XRCC4: variants seen among roughly 807,000 people sequenced by gnomAD.
The protein encoded by XRCC4 is X-ray repair cross complementing 4, also known as DNA repair protein XRCC4.
A neutral mutation model predicts 39.1 loss-of-function variants in XRCC4; 28 were observed. The ratio of observed to expected loss-of-function variants is 0.72; its 90% CI spans 0.53 to 0.98. XRCC4 has a LOEUF of 0.98. Among genes scored for constraint, XRCC4 ranks in the 50% least tolerant of loss-of-function variants. XRCC4 has a pLI of 0.00. For missense variants in XRCC4, 350 were observed against 376.4 expected, an observed-to-expected ratio of 0.93 and a Z score of 0.58; for synonymous variants, 123 against 126.4, an observed-to-expected ratio of 0.97 and a Z score of 0.18.
At chr5:83,096,735 T>G (rs987870293) in intron 1 of XRCC4, among the ~76,000 whole-genome samples, 2 of 152,204 alleles carry the variant, frequency 1.3e-5, no homozygotes, top group African/African-American at 4.8e-5. Flanking sequence ...AGCCAACATT[T>G]CAAAGCCAGT....
intron 6 of XRCC4, among the ~76,000 whole-genome samples, chr5:83,237,093 C>T (rs1437265052): frequency 6.6e-6 from 1 of 151,776 alleles, no homozygotes; most frequent in Non-Finnish European, 1.5e-5. Flanking sequence ...AAAGGAGAAC[C>T]CTTGTGTAAT....
chr5:83,130,452 A>C (rs1160683787), intron 3 of XRCC4, among the ~76,000 whole-genome samples: 3 of 152,136 alleles, frequency 2.0e-5, no homozygotes, highest in South Asian at 2.1e-4. Flanking sequence ...TGTCTCTGCC[A>C]GGCTTTGGTA....
intron 3 of XRCC4, among the ~76,000 whole-genome samples, chr5:83,134,857 G>A (rs1170095405): frequency 1.3e-5 from 2 of 152,104 alleles, no homozygotes; most frequent in African/African-American, 4.8e-5. Context: ...TGGGCAGAAG[G>A]AACAACTCTG....
downstream of XRCC4, among the ~76,000 whole-genome samples, chr5:83,358,768 A>G (rs1033563282): frequency 2.6e-5 from 4 of 152,226 alleles, no homozygotes; most frequent in Non-Finnish European, 4.4e-5. Context: ...AACAATTTCT[A>G]TAAAACCTGT....
At chr5:83,100,237 T>C (rs560125147) in intron 1 of XRCC4, among the ~76,000 whole-genome samples, 89 of 152,252 alleles carry the variant, frequency 5.8e-4, no homozygotes, top group African/African-American at 2.0e-3. Flanking sequence ...GTTTACTAAA[T>C]AATAGAATCT....
At chr5:83,186,011 A>T (rs1443281940) in intron 3 of XRCC4, among the ~76,000 whole-genome samples, 1 of 152,124 alleles carries the variant, frequency 6.6e-6, no homozygotes, top group Non-Finnish European at 1.5e-5. Context: ...CTTCACTGAC[A>T]AACACTTTCT....
At chr5:83,171,843 CTTTA>C (rs1330755773) in intron 3 of XRCC4, among the ~76,000 whole-genome samples, 1 of 152,070 alleles carries the variant, frequency 6.6e-6, no homozygotes, top group Non-Finnish European at 1.5e-5. Context: ...AGAAAGTATG[CTTTA>C]TTTATGCATT....
intron 7 of XRCC4, among the ~76,000 whole-genome samples, chr5:83,320,317 C>T (rs1271104567): frequency 1.4e-5 from 2 of 146,770 alleles, no homozygotes; most frequent in Non-Finnish European, 3.0e-5. Flanking sequence ...TGTAACTAAC[C>T]TGCACAATGT....
chr5:83,241,580 G>A (rs1465583304), intron 6 of XRCC4, among the ~76,000 whole-genome samples: 1 of 152,044 alleles, frequency 6.6e-6, no homozygotes, highest in Non-Finnish European at 1.5e-5. Flanking sequence ...GAGACCCACA[G>A]TAAGAATATA....
rs1554060342 is a variant in XRCC4 at position 83,165,318 on chromosome 5, C to CATT, written c.316-30451_316-30449dup. Reference sequence around the variant, plus strand: ...GTCTCTGATTAGGTGAATCAATAGACATTGATTTATATATTATAGATACAA... The same window carrying CATT: ...GTCTCTGATTAGGTGAATCAATAGACATTATTGATTTATATATTATAGATACAA... On this transcript the variant is annotated intron_variant, in intron 3 of 7. Coordinates refer to ENST00000396027, the MANE Select transcript of XRCC4 (RefSeq NM_003401.5). Among the ~76,000 whole-genome samples, 622 of 151,514 alleles carry CATT rather than the reference C, an allele frequency of 4.1e-3. 2 individuals are homozygous for CATT. Among genetic ancestry groups the CATT allele is most frequent in the African/African-American group, 0.012 (475 of 41,286 alleles).
intron 3 of XRCC4, among the ~76,000 whole-genome samples, chr5:83,183,412 T>TTGTGTGTGTGTGTGTGTGTG (rs369446374): frequency 7.2e-6 from 1 of 139,334 alleles, no homozygotes; most frequent in Non-Finnish European, 1.5e-5. Flanking sequence ...TTTCATTTAT[T>TTGTGTGTGTGTGTGTGTGTG]TGTGTGTGTG....
intron 1 of XRCC4, among the ~76,000 whole-genome samples, chr5:83,097,386 C>T (rs1745727654): frequency 6.7e-6 from 1 of 150,362 alleles, no homozygotes. Flanking sequence ...TTGCTCAGTC[C>T]TATCACTTGT....
intron 2 of XRCC4, among the ~76,000 whole-genome samples, chr5:83,109,503 T>C (rs536470406): frequency 6.6e-6 from 1 of 152,014 alleles, no homozygotes; most frequent in East Asian, 1.9e-4. Context: ...CATATGAGAC[T>C]TTTATCATTA....
At chr5:83,309,651 C>T (rs1315503973) in intron 7 of XRCC4, among the ~76,000 whole-genome samples, 1 of 149,712 alleles carries the variant, frequency 6.7e-6, no homozygotes, top group African/African-American at 2.5e-5. Flanking sequence ...GTAGTCCCAG[C>T]TACTCAGGAG....
intron 3 of XRCC4, among the ~76,000 whole-genome samples, chr5:83,144,383 C>T (rs941093828): frequency 1.3e-5 from 2 of 150,952 alleles, no homozygotes; most frequent in African/African-American, 4.9e-5. Context: ...GAAGTTTTGT[C>T]AGGGTGAGTC....
chr5:83,079,724 A>G (rs576031227), intron 1 of XRCC4, among the ~76,000 whole-genome samples: 1 of 152,084 alleles, frequency 6.6e-6, no homozygotes, highest in East Asian at 1.9e-4. Flanking sequence ...TTGTAGAGAC[A>G]GGGCTCACTA....
At chr5:83,079,612 T>G (rs1342033799) in intron 1 of XRCC4, among the ~76,000 whole-genome samples, 1 of 152,148 alleles carries the variant, frequency 6.6e-6, no homozygotes, top group Non-Finnish European at 1.5e-5. Context: ...CACTGCAGCC[T>G]CAACCTCCAG....
intron 7 of XRCC4, among the ~76,000 whole-genome samples, chr5:83,276,350 A>C (rs1754332578): frequency 6.7e-6 from 1 of 150,094 alleles, no homozygotes; most frequent in South Asian, 2.1e-4. Context: ...CCATGATGAA[A>C]TTTAATCCCA....
chr5:83,247,903 A>C (rs1345072807), intron 6 of XRCC4, among the ~76,000 whole-genome samples: 2 of 152,118 alleles, frequency 1.3e-5, no homozygotes, highest in Non-Finnish European at 2.9e-5. Flanking sequence ...AACATTTTTC[A>C]TTTTTCTTGA....
Sources: gnomAD v4.1 joint callset for allele counts (sites outside exome capture counted in the v4.1 genomes callset) on GRCh38, gnomAD v4.1.1 for gene constraint, MANE v1.5 for transcripts, NCBI Gene and HGNC (gene_info 2026-07-23, HGNC 2026-07-21) for gene names.